The following EXOC4 variants were observed in gnomAD, a reference collection of about 807,000 sequenced individuals.
EXOC4 encodes the protein SEC8-like 1.
EXOC4 carries 71 observed loss-of-function variants against 107.2 expected under a neutral mutation model. That is an observed-to-expected ratio of 0.66 (90% CI 0.55 to 0.81). EXOC4 has a LOEUF of 0.81. Among genes scored for constraint, EXOC4 ranks in the 30% least tolerant of loss-of-function variants. The probability of loss-of-function intolerance (pLI) is 0.00; values close to 1 mark genes in which losing one functional copy is unlikely to be tolerated. For missense variants in EXOC4, 1,108 were observed against 1,189.6 expected (o/e 0.93, Z 1.01); for synonymous variants, 456 against 441.2 (o/e 1.03, Z -0.42).
At chr7:133,903,935 CAGCACGGACTGAGTGATAAATGT>C (rs1222207660) in intron 12 of EXOC4, among the ~76,000 whole-genome samples, 4 of 152,122 alleles carry the variant, frequency 2.6e-5, no homozygotes, top group Non-Finnish European at 5.9e-5. Flanking sequence ...CATTAGAACT[CAGCACGGACTGAGTGATAAATGT>C]AGCACGGACT....
chr7:133,524,976 A>T (rs1800052420), intron 9 of EXOC4, among the ~76,000 whole-genome samples: 1 of 152,196 alleles, frequency 6.6e-6, no homozygotes. Context: ...GATTGTTTTA[A>T]TATCCAGTTT....
chr7:133,384,373 C>G (rs1232553230), intron 7 of EXOC4, among the ~76,000 whole-genome samples: 1 of 152,084 alleles, frequency 6.6e-6, no homozygotes, highest in Non-Finnish European at 1.5e-5. Flanking sequence ...CCTTCTCCCT[C>G]ACTGCCTCCA....
intron 9 of EXOC4, among the ~76,000 whole-genome samples, chr7:133,608,197 C>T (rs1013341434): frequency 1.3e-5 from 2 of 151,802 alleles, no homozygotes; most frequent in Non-Finnish European, 2.9e-5. Flanking sequence ...TTAGGTAAAT[C>T]GAAAACAGCA....
At chr7:133,516,758 A>ACTTTTTTTTTTTTTTTTT (rs1799883000) in intron 9 of EXOC4, among the ~76,000 whole-genome samples, 1 of 49,032 alleles carries the variant, frequency 2.0e-5, no homozygotes, top group Non-Finnish European at 3.9e-5. Flanking sequence ...CTAGCTGCTC[A>ACTTTTTTTTTTTTTTTTT]TTTTTTTTTT....
intron 7 of EXOC4, among the ~76,000 whole-genome samples, chr7:133,442,361 G>A (rs1161630770): frequency 5.3e-5 from 8 of 152,146 alleles, no homozygotes; most frequent in African/African-American, 1.9e-4. Context: ...TGATTGGTGG[G>A]ATAATTTATT....
At chr7:133,984,283 A>G (rs534245574) in intron 14 of EXOC4, among the ~76,000 whole-genome samples, 2 of 152,292 alleles carry the variant, frequency 1.3e-5, no homozygotes, top group South Asian at 4.1e-4. Flanking sequence ...GCCTAAGGGA[A>G]CGACTATCCA....
chr7:134,099,757 A>G, the EXOC4 span, among the ~76,000 whole-genome samples: 1 of 151,820 alleles, frequency 6.6e-6, no homozygotes, highest in Admixed American at 6.6e-5. Flanking sequence ...CCCAGTCTGG[A>G]GTGCGATGGC....
At chr7:133,807,365 C>T (rs181882590) in intron 10 of EXOC4, among the ~76,000 whole-genome samples, 195 of 152,168 alleles carry the variant, frequency 1.3e-3, no homozygotes, top group Admixed American at 0.01. Context: ...GTAAGCGCTC[C>T]ATGGGTTTAA....
At chr7:133,361,726 A>G (rs1480112207) in intron 6 of EXOC4, among the ~76,000 whole-genome samples, 1 of 152,156 alleles carries the variant, frequency 6.6e-6, no homozygotes, top group African/African-American at 2.4e-5. Flanking sequence ...TTTTTATTGT[A>G]AGGTTACACT....
intron 12 of EXOC4, among the ~76,000 whole-genome samples, chr7:133,904,148 G>GT (rs1474337275): frequency 6.6e-6 from 1 of 152,098 alleles, no homozygotes; most frequent in African/African-American, 2.4e-5. Context: ...TCACAGGAAG[G>GT]TTTTTTTGTT....
In EXOC4 at chr7:133,279,100, G is replaced by A. The variant is rs13247406; in HGVS notation, c.276+3929G>A. On this transcript the variant is annotated intron_variant, in intron 2 of 17. Coordinates refer to ENST00000253861, the MANE Select transcript of EXOC4 (RefSeq NM_021807.4). ...TTTTTTGTCCTTGCGATAGTTTGCT[G>A]AGAATGATGGTTTCCAGCTTCATCC... 2.6e-5 allele frequency among the ~76,000 whole-genome samples: 4 copies of A among 152,114 alleles called. No homozygotes were observed. The South Asian group carries it at 8.3e-4, about 32-fold the overall frequency.
chr7:133,846,115 G>A (rs1798122492), intron 11 of EXOC4, among the ~76,000 whole-genome samples: 1 of 151,926 alleles, frequency 6.6e-6, no homozygotes, highest in African/African-American at 2.4e-5. Flanking sequence ...CTTCAATCAA[G>A]CAAAAAAATA....
intron 9 of EXOC4, among the ~76,000 whole-genome samples, chr7:133,572,818 C>T (rs1801052627): frequency 6.6e-6 from 1 of 152,098 alleles, no homozygotes; most frequent in Non-Finnish European, 1.5e-5. Context: ...TGAATATGGT[C>T]TATAGTGATT....
rs1160792457 is a variant in EXOC4, at chr7:133,855,128, AATATAT to A, written c.1734+37594_1734+37599del. On this transcript the variant is annotated intron_variant, in intron 11 of 17. Transcript: ENST00000253861. The stretch of plus-strand genomic sequence containing the variant: ...AAATATATATAAATATATATATATA[AATATAT>A]ATATATATAAATATATATATAAATA... Among the ~76,000 whole-genome samples the A allele has an allele frequency of 4.3e-4, 28 of 64,774 alleles. 1 individual carries two copies. The South Asian group carries it at 5.3e-3, about 12-fold the overall frequency. The allele number at this position is 64,774 out of a possible 152,430, so 42.5% of individuals were successfully genotyped here. A position where few individuals can be genotyped will look rare whatever the true frequency, so the allele number is the denominator to read the frequency against.
chr7:133,322,829 C>T (rs914069514), intron 5 of EXOC4, among the ~76,000 whole-genome samples: 1 of 152,106 alleles, frequency 6.6e-6, no homozygotes, highest in Admixed American at 6.5e-5. Context: ...ATTTTCACGA[C>T]ATTGATTCTT....
chr7:133,700,675 A>T (rs1794638530), intron 10 of EXOC4, among the ~76,000 whole-genome samples: 2 of 152,182 alleles, frequency 1.3e-5, no homozygotes, highest in Admixed American at 6.5e-5. Context: ...AGACAATCCA[A>T]ATTCATTTAC....
intron 10 of EXOC4, among the ~76,000 whole-genome samples, chr7:133,641,759 A>C (rs955321731): frequency 4.6e-5 from 7 of 152,234 alleles, no homozygotes; most frequent in African/African-American, 1.7e-4. Flanking sequence ...TCTCAATGTA[A>C]GAGTGGAAAT....
chr7:133,294,705 G>A (rs1794480130), intron 3 of EXOC4, among the ~76,000 whole-genome samples: 3 of 152,080 alleles, frequency 2.0e-5, no homozygotes, highest in Admixed American at 6.6e-5. Context: ...CTGTGTAAAT[G>A]TGGCCATATC....
chr7:133,971,326 G>A (rs1222329076), intron 14 of EXOC4, among the ~76,000 whole-genome samples: 3 of 98,682 alleles, frequency 3.0e-5, no homozygotes, highest in African/African-American at 3.9e-5. Flanking sequence ...GAAATGTGGG[G>A]AAAATGTGTA....
Sources: gnomAD v4.1 joint callset for allele counts (sites outside exome capture counted in the v4.1 genomes callset) on GRCh38, gnomAD v4.1.1 for gene constraint, MANE v1.5 for transcripts, NCBI Gene and HGNC (gene_info 2026-07-23, HGNC 2026-07-21) for gene names.